The following ZNF146 variants were observed in gnomAD, a reference collection of about 807,000 sequenced individuals.
ZNF146 encodes the protein zinc finger protein OZF.
ZNF146 carries 9 observed loss-of-function variants against 22.2 expected under a neutral mutation model. That is an observed-to-expected ratio of 0.41 (90% CI 0.24 to 0.71). The LOEUF (loss-of-function observed/expected upper bound fraction) is 0.71. Among genes scored for constraint, ZNF146 ranks in the 30% least tolerant of loss-of-function variants. ZNF146 has a pLI of 0.34. For synonymous variants in ZNF146, 108 were observed against 119.2 expected (o/e 0.91, Z 0.61); for missense variants, 194 against 344.8 (o/e 0.56, Z 3.46).
chr19:36,224,313 C>T (rs758069260), intron 2 of ZNF146, among the ~76,000 whole-genome samples: 1 of 152,104 alleles, frequency 6.6e-6, no homozygotes, highest in Non-Finnish European at 1.5e-5. Flanking sequence ...CATAGGAGGG[C>T]GGAGGTTGCA....
rs1302944705 is a variant in ZNF146 at position 36,237,079 on chromosome 19, A to G, written c.639A>G (p.Glu213=). 1.9e-6 allele frequency: 3 copies of G among 1,614,178 alleles called. No individual in the cohort carries two copies. The highest frequency in any genetic ancestry group is 1.7e-5 in the Admixed American group (1 of 60,024). Residue 213 remains glutamate (E), a synonymous_variant, in exon 4 of 4, where the codon GAA becomes GAG. Coordinates refer to ENST00000443387, the MANE Select transcript of ZNF146 (RefSeq NM_007145.3). The stretch of plus-strand genomic sequence containing the variant: ...TTCATTCAGGTGATAAACCTTACGA[A>G]TGCAATGTTTGTGGAAAAGCCTTCT... ...VRIHSGDKPY[E]CNVCGKAFSQ...
rs777828919 is a variant in ZNF146 at position 36,237,157 on chromosome 19, C to T, written c.717C>T (p.Pro239=). ...VHVRSHTGEK[P]YGCNECGKAF... is the part of the protein sequence containing the mutation. ...TGAGAAGCCATACAGGGGAGAAGCC[C>T]TATGGTTGTAATGAATGTGGGAAAG... is the stretch of plus-strand genomic sequence containing the variant. Residue 239 remains proline (P), a synonymous_variant, in exon 4 of 4, where the codon CCC becomes CCT. Transcript: ENST00000443387. 4.3e-6 allele frequency: 7 copies of T among 1,614,056 alleles called. No homozygotes were observed. Among genetic ancestry groups the T allele is most frequent in the Middle Eastern group, 3.3e-4 (2 of 6,062 alleles).
chr19:36,227,922 A>G (rs1361584918), intron 2 of ZNF146, among the ~76,000 whole-genome samples: 2 of 152,154 alleles, frequency 1.3e-5, no homozygotes, highest in Non-Finnish European at 2.9e-5. Flanking sequence ...GCACTTTGGG[A>G]GGCTGAGGTG....
At chr19:36,216,218 G>A (rs1204708931) in intron 1 of ZNF146, among the ~76,000 whole-genome samples, 1 of 152,078 alleles carries the variant, frequency 6.6e-6, no homozygotes, top group Non-Finnish European at 1.5e-5. Flanking sequence ...TATTGTGGAA[G>A]AAACTTAAAG....
intron 1 of ZNF146, among the ~76,000 whole-genome samples, chr19:36,216,650 C>T (rs1347099419): frequency 6.6e-6 from 1 of 151,700 alleles, no homozygotes; most frequent in Non-Finnish European, 1.5e-5. Flanking sequence ...AGCGAGATTC[C>T]GTCTCAATAA....
chr19:36,225,404 T>G (rs1568431638), intron 2 of ZNF146, among the ~76,000 whole-genome samples: 1 of 152,342 alleles, frequency 6.6e-6, no homozygotes, highest in East Asian at 1.9e-4. Context: ...ATTTCCTCTG[T>G]TTATCTTTTG....
chr19:36,229,550 A>G (rs2432054), intron 3 of ZNF146, among the ~76,000 whole-genome samples: 52,206 of 152,034 alleles, frequency 0.34, 9,505 homozygotes, highest in Middle Eastern at 0.48. Context: ...CGTGTCACGT[A>G]TATCCTTCTT....
rs778371576 is a variant in ZNF146 at position 36,238,332 on chromosome 19, C to T, written c.*1013C>T. On this transcript the variant is annotated 3_prime_UTR_variant, in exon 4 of 4. Transcript: ENST00000443387. Reference sequence around the variant, plus strand: ...TATATGTATGTACATGTTTTTGAAACGGATTGGAAGGATACAGACCAAACT... The same window carrying T: ...TATATGTATGTACATGTTTTTGAAATGGATTGGAAGGATACAGACCAAACT... 21 of 166,860 alleles carry T rather than the reference C, an allele frequency of 1.3e-4. No homozygotes were observed. The highest frequency in any genetic ancestry group is 2.1e-4 in the South Asian group (1 of 4,818). The allele number at this position is 166,860 out of a possible 1,614,324, so 10.3% of individuals were successfully genotyped here. A position where few individuals can be genotyped will look rare whatever the true frequency, so the allele number is the denominator to read the frequency against.
chr19:36,218,589 C>T (rs1287520146), intron 2 of ZNF146, among the ~76,000 whole-genome samples: 1 of 151,758 alleles, frequency 6.6e-6, no homozygotes, highest in African/African-American at 2.4e-5. Context: ...CCTCAGCCTC[C>T]TGAGTAGCTG....
intron 1 of ZNF146, among the ~76,000 whole-genome samples, chr19:36,216,176 CTA>C (rs770911856): frequency 6.6e-6 from 1 of 152,022 alleles, no homozygotes; most frequent in Non-Finnish European, 1.5e-5. Context: ...TTGAAGAAAA[CTA>C]ATATTTACAA....
intron 2 of ZNF146, among the ~76,000 whole-genome samples, chr19:36,218,568 C>G (rs1976709320): frequency 6.6e-6 from 1 of 151,438 alleles, no homozygotes. Context: ...CTGGTTCATG[C>G]CATTCTCCCG....
intron 3 of ZNF146, among the ~76,000 whole-genome samples, chr19:36,230,598 C>A (rs537916795): frequency 1.3e-5 from 2 of 152,104 alleles, no homozygotes; most frequent in African/African-American, 4.8e-5. Context: ...AGATCATTAG[C>A]CAGAAGGAAC....
In ZNF146 at chr19:36,220,566, G is replaced by C. The variant is rs55914742; in HGVS notation, c.-855+2371G>C. Among the ~76,000 whole-genome samples the C allele has an allele frequency of 1.1e-3, 169 of 152,048 alleles. 1 individual carries two copies. The highest frequency in any genetic ancestry group is 3.9e-3 in the African/African-American group (161 of 41,492). ...TTTTTAGTAGAGATGGGGTTTCACCGTGTTAGCCAGGATGGTCTCGATCTC... is the reference window on the plus strand; with the variant it reads ...TTTTTAGTAGAGATGGGGTTTCACCCTGTTAGCCAGGATGGTCTCGATCTC... On this transcript the variant is annotated intron_variant, in intron 2 of 3. Coordinates refer to ENST00000443387, the MANE Select transcript of ZNF146 (RefSeq NM_007145.3).
intron 2 of ZNF146, among the ~76,000 whole-genome samples, chr19:36,223,881 C>T (rs1056015368): frequency 2.0e-5 from 3 of 152,014 alleles, no homozygotes; most frequent in African/African-American, 4.8e-5. Flanking sequence ...TAAGATCTCC[C>T]TGTGTTGCCC....
chr19:36,222,460 G>A (rs1306598021), intron 2 of ZNF146, among the ~76,000 whole-genome samples: 1 of 152,256 alleles, frequency 6.6e-6, no homozygotes, highest in Admixed American at 6.5e-5. Context: ...TAATACAAAT[G>A]GCGCTGCCCA....
At chr19:36,224,179 C>T (rs767999785) in intron 2 of ZNF146, among the ~76,000 whole-genome samples, 2 of 152,134 alleles carry the variant, frequency 1.3e-5, no homozygotes, top group South Asian at 2.1e-4. Flanking sequence ...GTCAGGAGTT[C>T]GAGACCAGCC....
Position 36,236,184 on chromosome 19 carries a change from T to C in ZNF146, c.-257T>C. The C allele has an allele frequency of 2.5e-6, 1 of 392,882 alleles. No individual in the cohort carries two copies. The highest frequency in any genetic ancestry group is 4.5e-6 in the Non-Finnish European group (1 of 222,026). 24.3% of individuals were successfully genotyped at this position (392,882 alleles called of 1,614,324 possible). A position where few individuals can be genotyped will look rare whatever the true frequency, so the allele number is the denominator to read the frequency against. ...TCATTGAGAAGCAGAAAATTCATGCTGGAGAGAAACTAGTGAAGGTAGCAA... is the reference window on the plus strand; with the variant it reads ...TCATTGAGAAGCAGAAAATTCATGCCGGAGAGAAACTAGTGAAGGTAGCAA... On this transcript the variant is annotated 5_prime_UTR_variant, in exon 4 of 4. Transcript: ENST00000443387.
Position 36,236,914 on chromosome 19 carries a change from T to C in ZNF146, c.474T>C (p.Cys158=), listed in dbSNP as rs148930642. Residue 158 remains cysteine (C), a synonymous_variant, in exon 4 of 4, where the codon TGT becomes TGC. Transcript: ENST00000443387. ...ATATTGGAGAGAAGCCTTTTAAATG[T>C]AGTGAATGTGGAACAGCCTTTGGCC... ...KIHIGEKPFK[C]SECGTAFGQK... is the part of the protein sequence containing the mutation. 1 of 1,614,042 alleles carries C rather than the reference T, an allele frequency of 6.2e-7. No individual in the cohort carries two copies. Among genetic ancestry groups the C allele is most frequent in the African/African-American group, 1.3e-5 (1 of 74,936 alleles).
chr19:36,223,261 A>T (rs1037761828), intron 2 of ZNF146, among the ~76,000 whole-genome samples: 3 of 151,944 alleles, frequency 2.0e-5, no homozygotes, highest in Non-Finnish European at 4.4e-5. Context: ...TACTAAAAAT[A>T]CAAAAAATTT....
Sources: allele counts gnomAD v4.1 joint callset (sites outside exome capture counted in the v4.1 genomes callset), GRCh38; gene constraint gnomAD v4.1.1; transcripts MANE v1.5; gene names NCBI Gene and HGNC (gene_info 2026-07-23, HGNC 2026-07-21).